The following GEMIN5 variants were observed in gnomAD, a reference collection of about 807,000 sequenced individuals.
The protein encoded by GEMIN5 is gem-associated protein 5.
A neutral mutation model predicts 176.9 loss-of-function variants in GEMIN5; 124 were observed. The ratio of observed to expected loss-of-function variants is 0.70; its 90% CI spans 0.61 to 0.81. The LOEUF is 0.81. Among genes scored for constraint, GEMIN5 ranks in the 40% least tolerant of loss-of-function variants. The pLI, the probability that GEMIN5 is intolerant of heterozygous loss-of-function variation, is 0.00. For missense variants in GEMIN5, 1,843 were observed against 1,814.6 expected (o/e 1.02, Z -0.28); for synonymous variants, 673 against 665.2 (o/e 1.01, Z -0.18).
intron 9 of GEMIN5, among the ~76,000 whole-genome samples, chr5:154,921,706 C>G (rs1763925748): frequency 6.6e-6 from 1 of 152,092 alleles, no homozygotes; most frequent in Admixed American, 6.5e-5. Context: ...TTACTCTTAC[C>G]CATCTAGCCA....
Position 154,938,196 on chromosome 5 carries a change from A to C in GEMIN5, c.-63T>G. On this transcript the variant is annotated 5_prime_UTR_variant, in exon 1 of 28. Transcript: ENST00000285873. ...CCGACCGCTCGTAGCCTCACGCCTT[A>C]GGTAGGGAGCGGGGCGGGGTGAACT... 7.9e-7 allele frequency: 1 copy of C among 1,260,602 alleles called. No homozygotes were observed. The highest frequency in any genetic ancestry group is 2.6e-5 in the South Asian group (1 of 38,986). The allele number at this position is 1,260,602 out of a possible 1,614,324, so 78.1% of individuals were successfully genotyped here.
At position 154,892,472 on chromosome 5, in the gene GEMIN5, C is replaced by T. The variant is rs1282114940; in HGVS notation, c.3675G>A (p.Gln1225=). Residue 1225 remains glutamine, a synonymous_variant, in exon 25 of 28, where the codon CAG becomes CAA. Transcript: ENST00000285873. ...QQMASWDEAV[Q]ALLRAVVRSY... ...TCCGGACCACCGCCCGAAGGAGCGC[C>T]TGCACAGCCTCGTCCCAGGAGGCCA... is the stretch of plus-strand genomic sequence containing the variant. The T allele has an allele frequency of 1.2e-5, 20 of 1,614,108 alleles. No individual in the cohort carries two copies. Among genetic ancestry groups the T allele is most frequent in the Non-Finnish European group, 1.7e-5 (20 of 1,180,046 alleles).
In GEMIN5 at chr5:154,934,130, C is replaced by T. The variant is rs962216957; in HGVS notation, c.509+1711G>A. 4.6e-5 allele frequency among the ~76,000 whole-genome samples: 7 copies of T among 152,332 alleles called. No individual in the cohort carries two copies. The East Asian group carries it at 7.7e-4, about 17-fold the overall frequency. ...GCCCAGGTTCAAGCGATTCTCCTGCCTCACCCTCCTGAGTAGCTGGGCTTA... is the reference window on the plus strand; with the variant it reads ...GCCCAGGTTCAAGCGATTCTCCTGCTTCACCCTCCTGAGTAGCTGGGCTTA... On this transcript the variant is annotated intron_variant, in intron 3 of 27. Transcript: ENST00000285873.
At chr5:154,901,805 T>C (rs949324627) in intron 20 of GEMIN5, among the ~76,000 whole-genome samples, 3 of 151,142 alleles carry the variant, frequency 2.0e-5, no homozygotes, top group African/African-American at 7.3e-5. Flanking sequence ...TCCCTTTCCT[T>C]TTATTGTTTT....
In GEMIN5 at chr5:154,912,927, A is replaced by T; in HGVS notation, c.1967T>A (p.Val656Glu). ...GGCTGTACCATCATAGGAAGCAGAT[A>T]CCAGCCTTCCATCATGATGTGGGCT... ...AWSPHHDGRL[V>E]SASYDGTAQV... is the part of the protein sequence containing the mutation. The change falls in exon 14 of 28, where the codon GTA becomes GAA. Residue 656 changes from valine (V) to glutamate (E), a missense_variant. Coordinates refer to ENST00000285873, the MANE Select transcript of GEMIN5 (RefSeq NM_015465.5). The T allele has an allele frequency of 6.2e-7, 1 of 1,613,840 alleles. No homozygotes were observed. Among genetic ancestry groups the T allele is most frequent in the Non-Finnish European group, 8.5e-7 (1 of 1,179,746 alleles).
At chr5:154,888,441 C>G in intron 27 of GEMIN5, 64 bp from the exon 28 acceptor site, 1 of 1,351,606 alleles carries the variant, frequency 7.4e-7, no homozygotes, top group Admixed American at 2.0e-5. Context: ...AACACCTGCA[C>G]AGAAGGCACC....
At chr5:154,909,646 C>T (rs952861941) in intron 15 of GEMIN5, among the ~76,000 whole-genome samples, 4 of 152,128 alleles carry the variant, frequency 2.6e-5, no homozygotes, top group Non-Finnish European at 4.4e-5. Flanking sequence ...TAGGCAATCA[C>T]TAATTTGCTC....
rs1763339229 is a variant in GEMIN5, at chr5:154,895,857, C to T, written c.3597+235G>A. Among the ~76,000 whole-genome samples the T allele has an allele frequency of 2.0e-5, 3 of 152,108 alleles. No homozygotes were observed. In the South Asian group the frequency reaches 6.2e-4, roughly 31 times the overall value. On this transcript the variant is annotated intron_variant, in intron 24 of 27. Coordinates refer to ENST00000285873, the MANE Select transcript of GEMIN5 (RefSeq NM_015465.5). ...GAGCCAAGATCATGCCACTGCACTC[C>T]AGCTTCAAACAACTAAAAAAAACAA...
intron 15 of GEMIN5, among the ~76,000 whole-genome samples, chr5:154,911,078 T>G (rs1415284316): frequency 6.6e-6 from 1 of 152,214 alleles, no homozygotes; most frequent in Admixed American, 6.5e-5. Context: ...CCTTTTGACA[T>G]GTCTCCTGAA....
In GEMIN5 at chr5:154,924,493, C is replaced by CATCAGTT. The variant is rs1313799273; in HGVS notation, c.1354_1355insAACTGAT (p.Gly452GlufsTer6). The CATCAGTT allele has an allele frequency of 6.2e-7, 1 of 1,610,722 alleles. No individual in the cohort carries two copies. Among genetic ancestry groups the CATCAGTT allele is most frequent in the Non-Finnish European group, 8.5e-7 (1 of 1,176,972 alleles). ...CTTGTTGGAGTAGGTGTCATACAAT[C>CATCAGTT]CCACTTTTCCATCATCAGTTCCAAA... On this transcript the variant is annotated frameshift_variant, in exon 9 of 28. Transcript: ENST00000285873. LOFTEE classifies it high-confidence loss of function.
chr5:154,895,861 T>G (rs957774909), intron 24 of GEMIN5, among the ~76,000 whole-genome samples: 1 of 152,116 alleles, frequency 6.6e-6, no homozygotes, highest in Non-Finnish European at 1.5e-5. Flanking sequence ...GCACTCCAGC[T>G]TCAAACAACT....
chr5:154,920,548 ATCT>A (rs2113495649), intron 10 of GEMIN5, among the ~76,000 whole-genome samples: 1 of 152,322 alleles, frequency 6.6e-6, no homozygotes, highest in African/African-American at 2.4e-5. Context: ...TATCACAGCA[ATCT>A]TCTTGTTAAT....
intron 5 of GEMIN5, among the ~76,000 whole-genome samples, chr5:154,929,548 C>T (rs1475590497): frequency 6.6e-6 from 1 of 152,154 alleles, no homozygotes; most frequent in East Asian, 1.9e-4. Flanking sequence ...GATTCGGACT[C>T]AGTAGATCTG....
At chr5:154,893,219 G>T (rs1763274260) in intron 24 of GEMIN5, among the ~76,000 whole-genome samples, 1 of 145,694 alleles carries the variant, frequency 6.9e-6, no homozygotes. Context: ...TTGGGAGGCT[G>T]AGGCGGGCGG....
chr5:154,897,167 T>C (rs1171652664), intron 23 of GEMIN5, among the ~76,000 whole-genome samples: 1 of 152,222 alleles, frequency 6.6e-6, no homozygotes, highest in Admixed American at 6.5e-5. Context: ...TTTTAGGGTG[T>C]CCTATTTTCA....
At position 154,898,520 on chromosome 5, in the gene GEMIN5, G is replaced by A; in HGVS notation, c.3265C>T (p.Leu1089Phe). The change falls in exon 23 of 28, where the codon CTC (leucine) becomes TTC (phenylalanine). Residue 1089 changes from leucine to phenylalanine, a missense_variant. Transcript: ENST00000285873. ...AGAAGCAGCTCTTGGGCACATCTGA[G>A]AGCCAGGGAAGCAGACAACTCATCC... ...GEDELSASLA[L>F]RCAQELLLAN... 2 of 1,614,178 alleles carry A rather than the reference G, an allele frequency of 1.2e-6. No homozygotes were observed. The highest frequency in any genetic ancestry group is 1.6e-4 in the Middle Eastern group (1 of 6,062).
chr5:154,891,123 T>C (rs1763216180), intron 26 of GEMIN5, 118 bp downstream of exon 26: 1 of 658,502 alleles, frequency 1.5e-6, no homozygotes, highest in Non-Finnish European at 2.3e-6. Context: ...GGTGAACTCC[T>C]GGGCCAAGTG....
chr5:154,907,468 C>T (rs1763591071), intron 16 of GEMIN5, 123 bp downstream of exon 16: 1 of 603,716 alleles, frequency 1.7e-6, no homozygotes. Context: ...ACAAAAAAAA[C>T]TAATGCTGTT....
rs142095826 is a variant in GEMIN5, at chr5:154,891,664, A to T, written c.3839T>A (p.Phe1280Tyr). 6.2e-6 allele frequency: 10 copies of T among 1,612,770 alleles called. No individual in the cohort carries two copies. In the African/African-American group the frequency reaches 1.2e-4, roughly 19 times the overall value. Residue 1280 changes from phenylalanine (F) to tyrosine (Y), a missense_variant, in exon 26 of 28, where the codon TTT (phenylalanine) becomes TAT (tyrosine). By Grantham distance (22) the Phe-to-Tyr change is conservative. Transcript: ENST00000285873. ...TPAFKSLEAFFLYGRLYEFWW... is the reference protein window; with the variant it reads ...TPAFKSLEAFYLYGRLYEFWW... Reference sequence around the variant, plus strand: ...GAATTCATACAGACGCCCATAAAGAAAAAAGGCCTCCAAACTTTTGAAAGC... The same window carrying T: ...GAATTCATACAGACGCCCATAAAGATAAAAGGCCTCCAAACTTTTGAAAGC...
Sources: allele counts gnomAD v4.1 joint callset (sites outside exome capture counted in the v4.1 genomes callset), GRCh38; gene constraint gnomAD v4.1.1; transcripts MANE v1.5; gene names NCBI Gene and HGNC (gene_info 2026-07-23, HGNC 2026-07-21).